UCK2: variants seen among roughly 807,000 people sequenced by gnomAD.
UCK2 encodes the protein cytidine monophosphokinase 2.
Under a neutral mutation model 30.8 loss-of-function variants are expected in UCK2, and 6 were observed. That is an observed-to-expected ratio of 0.19 (90% CI 0.11 to 0.38). UCK2 has a LOEUF of 0.38. Ranked by LOEUF, UCK2 falls within the 10% of genes least tolerant of loss-of-function variation. UCK2 has a pLI of 1.00. For missense variants in UCK2, 210 were observed against 339.8 expected, an observed-to-expected ratio of 0.62 and a Z score of 3.00; for synonymous variants, 125 against 133.6, an observed-to-expected ratio of 0.94 and a Z score of 0.45.
At chr1:165,828,224 A>G (rs1006097678) in intron 1 of UCK2, among the ~76,000 whole-genome samples, 1 of 151,996 alleles carries the variant, frequency 6.6e-6, no homozygotes, top group Non-Finnish European at 1.5e-5. Flanking sequence ...CCGGGGTCCT[A>G]TGGGGGAAGG....
chr1:165,845,683 A>T (rs1286073801), intron 1 of UCK2, among the ~76,000 whole-genome samples: 1 of 152,080 alleles, frequency 6.6e-6, no homozygotes, highest in East Asian at 1.9e-4. Context: ...TGATTGATTG[A>T]TTGAGACACA....
chr1:165,899,006 T>C (rs1313570352), intron 4 of UCK2, among the ~76,000 whole-genome samples: 5 of 152,216 alleles, frequency 3.3e-5, no homozygotes, highest in African/African-American at 7.2e-5. Context: ...ATGCTTGGCA[T>C]GTGCTTTGTG....
intron 1 of UCK2, among the ~76,000 whole-genome samples, chr1:165,830,592 TG>T (rs1380634600): frequency 4.0e-5 from 6 of 151,180 alleles, no homozygotes; most frequent in African/African-American, 1.2e-4. Flanking sequence ...CCCAAAGTGC[TG>T]GGATTACAGG....
At chr1:165,904,509 T>C (rs1198978753) in intron 5 of UCK2, among the ~76,000 whole-genome samples, 1 of 152,236 alleles carries the variant, frequency 6.6e-6, no homozygotes, top group Non-Finnish European at 1.5e-5. Flanking sequence ...AAAATGAATT[T>C]ATTATTGGAT....
chr1:165,835,359 G>GTTATTA (rs142162324), intron 1 of UCK2, among the ~76,000 whole-genome samples: 12 of 150,492 alleles, frequency 8.0e-5, no homozygotes, highest in African/African-American at 2.2e-4. Context: ...TTTAAAATTA[G>GTTATTA]TTATTATTAT....
intron 1 of UCK2, among the ~76,000 whole-genome samples, chr1:165,837,461 A>T (rs1654223694): frequency 6.6e-6 from 1 of 152,112 alleles, no homozygotes; most frequent in Admixed American, 6.5e-5. Context: ...TCTCAACTGG[A>T]TACCAGTTAG....
chr1:165,838,821 G>A (rs1369452056), intron 1 of UCK2, among the ~76,000 whole-genome samples: 3 of 152,014 alleles, frequency 2.0e-5, no homozygotes, highest in Non-Finnish European at 4.4e-5. Flanking sequence ...GCCGGGATGG[G>A]CAGGTCATCT....
At chr1:165,905,856 G>A in intron 5 of UCK2, 65 bp from the exon 6 acceptor site, 1 of 1,492,160 alleles carries the variant, frequency 6.7e-7, no homozygotes, top group Non-Finnish European at 9.3e-7. Context: ...ATATTCCCTT[G>A]GAGAGGGTCT....
chr1:165,831,414 C>A (rs895141043), intron 1 of UCK2, among the ~76,000 whole-genome samples: 1 of 152,124 alleles, frequency 6.6e-6, no homozygotes, highest in Admixed American at 6.5e-5. Flanking sequence ...TTTCATATTT[C>A]CCCCTAAAGG....
rs371919852 is a variant in UCK2, at chr1:165,828,181, C to T, written c.99+249C>T. On this transcript the variant is annotated intron_variant, in intron 1 of 6. Transcript: ENST00000367879. ...CGATCGCAGGGCGGGAGTGCTCCTC[C>T]GGCTTTTCTCCCCCCGCGTTAATAA... 4.1e-4 allele frequency among the ~76,000 whole-genome samples: 62 copies of T among 152,184 alleles called. No homozygotes were observed. In the South Asian group the frequency reaches 0.013, roughly 31 times the overall value.
At chr1:165,878,620 A>G (rs554502489) in intron 1 of UCK2, among the ~76,000 whole-genome samples, 1 of 152,306 alleles carries the variant, frequency 6.6e-6, no homozygotes, top group Non-Finnish European at 1.5e-5. Context: ...CTGGGATTAC[A>G]GGCGTAAGCC....
chr1:165,881,640 G>C (rs1370876812), intron 1 of UCK2, among the ~76,000 whole-genome samples: 2 of 152,206 alleles, frequency 1.3e-5, no homozygotes, highest in Non-Finnish European at 2.9e-5. Flanking sequence ...GAGTTGATTT[G>C]AGGATTAAAT....
intron 1 of UCK2, among the ~76,000 whole-genome samples, chr1:165,845,918 C>T (rs933247916): frequency 3.9e-5 from 6 of 152,212 alleles, no homozygotes; most frequent in Non-Finnish European, 8.8e-5. Context: ...CCTCCTGCCT[C>T]GGCCTCCGAA....
At chr1:165,878,400 G>A (rs1162421630) in intron 1 of UCK2, among the ~76,000 whole-genome samples, 2 of 150,628 alleles carry the variant, frequency 1.3e-5, no homozygotes, top group Admixed American at 6.6e-5. Flanking sequence ...GCGCAATCTC[G>A]GCTCACTGTA....
At chr1:165,833,109 G>A (rs868004022) in intron 1 of UCK2, among the ~76,000 whole-genome samples, 8 of 152,254 alleles carry the variant, frequency 5.3e-5, no homozygotes, top group Middle Eastern at 6.8e-3. Flanking sequence ...CCGTGTCGGC[G>A]CCCACTGCTC....
At position 165,911,222 on chromosome 1, in the gene UCK2, C is replaced by G. The variant is rs2101892632; in HGVS notation, c.*3399C>G. ...CTGCTTCTGGAAGGGACTGCCTGTA[C>G]TTCTGTACCACCGTTGCCCTTTACA... On this transcript the variant is annotated 3_prime_UTR_variant, in exon 7 of 7. Coordinates refer to ENST00000367879, the MANE Select transcript of UCK2 (RefSeq NM_012474.5). The G allele has an allele frequency of 6.6e-6, 1 of 152,416 alleles. No homozygotes were observed. Among genetic ancestry groups the G allele is most frequent in the African/African-American group, 2.4e-5 (1 of 41,580 alleles). 9.4% of individuals were successfully genotyped at this position (152,416 alleles called of 1,614,324 possible).
At chr1:165,841,461 C>T (rs1654328750) in intron 1 of UCK2, among the ~76,000 whole-genome samples, 1 of 152,160 alleles carries the variant, frequency 6.6e-6, no homozygotes, top group African/African-American at 2.4e-5. Flanking sequence ...CTGGGGATTA[C>T]AGGCGTGAGC....
intron 3 of UCK2, among the ~76,000 whole-genome samples, chr1:165,893,094 G>A (rs749715598): frequency 4.6e-5 from 7 of 152,182 alleles, no homozygotes; most frequent in Non-Finnish European, 8.8e-5. Context: ...AATGCCATTT[G>A]TGAAGAAGCC....
intron 1 of UCK2, among the ~76,000 whole-genome samples, chr1:165,861,633 AAAAAAAAAAAAAAAAAC>A (rs1470553753): frequency 4.5e-5 from 4 of 88,692 alleles, no homozygotes; most frequent in East Asian, 2.9e-4. Context: ...GTCTCAAAAA[AAAAAAAAAAAAAAAAAC>A]AAAAAAAAAC....
Sources: gnomAD v4.1 joint callset for allele counts (sites outside exome capture counted in the v4.1 genomes callset) on GRCh38, gnomAD v4.1.1 for gene constraint, MANE v1.5 for transcripts, NCBI Gene and HGNC (gene_info 2026-07-23, HGNC 2026-07-21) for gene names.